Variants in PRKD1 observed in about 807,000 individuals in gnomAD.
The protein encoded by PRKD1 is serine/threonine-protein kinase D1.
A neutral mutation model predicts 95.9 loss-of-function variants in PRKD1; 63 were observed. The observed-to-expected ratio is 0.66, with a 90% confidence interval of 0.54 to 0.81. PRKD1 has a LOEUF of 0.81. PRKD1 is among the 30% of genes least tolerant of loss of function. The probability of loss-of-function intolerance (pLI) is 0.00; values close to 1 mark genes in which losing one functional copy is unlikely to be tolerated. For missense variants in PRKD1, 1,048 were observed against 1,165.3 expected (o/e 0.90, Z 1.47); for synonymous variants, 425 against 423.1 (o/e 1.00, Z -0.05).
intron 1 of PRKD1, among the ~76,000 whole-genome samples, chr14:29,864,490 T>C (rs963251570): frequency 1.3e-5 from 2 of 152,164 alleles, no homozygotes; most frequent in Non-Finnish European, 2.9e-5. Context: ...ATTCTTTCTA[T>C]AGAATCTCAA....
At chr14:29,619,349 C>T (rs1879089955) in intron 13 of PRKD1, among the ~76,000 whole-genome samples, 1 of 152,104 alleles carries the variant, frequency 6.6e-6, no homozygotes, top group Non-Finnish European at 1.5e-5. Context: ...ACTAACCAGC[C>T]TTTTGCTACC....
chr14:29,685,734 C>CTGTGTG (rs5807548), intron 2 of PRKD1, among the ~76,000 whole-genome samples: 9,220 of 149,324 alleles, frequency 0.062, 694 homozygotes, highest in African/African-American at 0.18. Context: ...TTATCCTCAT[C>CTGTGTG]TGTGTGTGTG....
chr14:29,737,235 T>C (rs1886764341), intron 1 of PRKD1, among the ~76,000 whole-genome samples: 1 of 141,604 alleles, frequency 7.1e-6, no homozygotes, highest in Non-Finnish European at 1.5e-5. Context: ...GGCAGGAGAA[T>C]GGCGTGAACC....
At chr14:29,846,336 G>A (rs1001467311) in intron 1 of PRKD1, among the ~76,000 whole-genome samples, 8 of 152,142 alleles carry the variant, frequency 5.3e-5, no homozygotes, top group African/African-American at 1.9e-4. Flanking sequence ...GAAGGAGGGA[G>A]TATTTTGAAT....
intron 1 of PRKD1, among the ~76,000 whole-genome samples, chr14:29,750,544 C>T (rs57279593): frequency 1.2e-3 from 176 of 152,104 alleles, no homozygotes; most frequent in African/African-American, 3.7e-3. Flanking sequence ...GAGCCTATTC[C>T]AGCAGCTCAA....
intron 1 of PRKD1, among the ~76,000 whole-genome samples, chr14:29,886,966 G>T (rs981796991): frequency 1.3e-5 from 2 of 152,168 alleles, no homozygotes; most frequent in Non-Finnish European, 2.9e-5. Flanking sequence ...ATTGACATTT[G>T]ACATCAAGTA....
rs74675658 is a variant in PRKD1, at chr14:29,813,698, A to T, written c.265-88024T>A. On this transcript the variant is annotated intron_variant, in intron 1 of 17. Coordinates refer to ENST00000331968, the MANE Select transcript of PRKD1 (RefSeq NM_002742.3). The stretch of plus-strand genomic sequence containing the variant: ...ACATTTGAAACACTCAATAGATATT[A>T]GCAATTAATATCAACAATGTCAGCA... Among the ~76,000 whole-genome samples, 522 of 152,322 alleles carry T rather than the reference A, an allele frequency of 3.4e-3. 12 individuals carry two copies. In the East Asian group the frequency reaches 0.056, roughly 16 times the overall value.
chr14:29,582,586 T>C (rs1454836282), intron 16 of PRKD1, among the ~76,000 whole-genome samples: 1 of 152,166 alleles, frequency 6.6e-6, no homozygotes, highest in African/African-American at 2.4e-5. Flanking sequence ...GATACTTCCA[T>C]TTCCCATAGG....
At chr14:29,845,279 T>G (rs1403623781) in intron 1 of PRKD1, among the ~76,000 whole-genome samples, 2 of 152,194 alleles carry the variant, frequency 1.3e-5, no homozygotes. Context: ...AACTAAATTA[T>G]TCAGAGGTTA....
chr14:29,588,926 A>T (rs557998181), intron 16 of PRKD1, among the ~76,000 whole-genome samples: 1 of 152,066 alleles, frequency 6.6e-6, no homozygotes, highest in South Asian at 2.1e-4. Context: ...GAAACAACTC[A>T]GCAGGTGACT....
At chr14:29,750,013 A>G (rs1887403185) in intron 1 of PRKD1, among the ~76,000 whole-genome samples, 1 of 152,174 alleles carries the variant, frequency 6.6e-6, no homozygotes, top group Admixed American at 6.5e-5. Flanking sequence ...TGAATGGCCA[A>G]GGGAATTATC....
intron 1 of PRKD1, among the ~76,000 whole-genome samples, chr14:29,744,919 A>G (rs774863798): frequency 5.9e-5 from 9 of 152,086 alleles, no homozygotes; most frequent in Non-Finnish European, 1.3e-4. Context: ...AATCATCCCA[A>G]AGTCAACCAG....
chr14:29,786,782 A>T (rs1889293467), intron 1 of PRKD1, among the ~76,000 whole-genome samples: 1 of 151,850 alleles, frequency 6.6e-6, no homozygotes, highest in South Asian at 2.1e-4. Flanking sequence ...TATCTTTTCA[A>T]AAAAAAGCTT....
intron 4 of PRKD1, among the ~76,000 whole-genome samples, chr14:29,660,219 A>G (rs1277843770): frequency 6.6e-6 from 1 of 152,188 alleles, no homozygotes; most frequent in African/African-American, 2.4e-5. Flanking sequence ...TGGTCTGTGT[A>G]TGCACATAGT....
chr14:29,630,996 G>C lies in PRKD1; in HGVS notation c.1418C>G (p.Ser473Cys). The change falls in exon 10 of 18, where the codon TCT (serine) becomes TGT (cysteine). Residue 473 changes from serine to cysteine, a missense_variant. Coordinates refer to ENST00000331968, the MANE Select transcript of PRKD1 (RefSeq NM_002742.3). ...AGCTGAAGTTTTTACTGGTTCCAGAGACAAAATTTCAGATAAAGGAATTTC... is the reference window on the plus strand; with the variant it reads ...AGCTGAAGTTTTTACTGGTTCCAGACACAAAATTTCAGATAAAGGAATTTC... The part of the protein sequence containing the change: ...YKEIPLSEIL[S>C]LEPVKTSALI... The C allele has an allele frequency of 6.2e-7, 1 of 1,609,746 alleles. No homozygotes were observed. Among genetic ancestry groups the C allele is most frequent in the Admixed American group, 1.7e-5 (1 of 59,638 alleles).
chr14:29,842,109 C>T (rs149471726), intron 1 of PRKD1, among the ~76,000 whole-genome samples: 1 of 152,290 alleles, frequency 6.6e-6, no homozygotes, highest in African/African-American at 2.4e-5. Context: ...CAATAACATG[C>T]ATGGAGATGT....
Position 29,638,565 on chromosome 14 carries a change from A to G in PRKD1, c.909T>C (p.Asp303=), listed in dbSNP as rs149511996. The G allele has an allele frequency of 3.7e-6, 6 of 1,614,058 alleles. No homozygotes were observed. The African/African-American group carries it at 8.0e-5, about 22-fold the overall frequency. ...GLFRQGLQCK[D]CRFNCHKRCA... is the part of the protein sequence containing the mutation. ...AACGTTTATGGCAGTTGAATCTGCA[A>G]TCTAATCCCAGTGATTTTCAAACAA... is the stretch of plus-strand genomic sequence containing the variant. The change falls in exon 6 of 18, where the codon GAT becomes GAC. Residue 303 remains aspartate, a splice_region_variant and synonymous_variant. Coordinates refer to ENST00000331968, the MANE Select transcript of PRKD1 (RefSeq NM_002742.3).
intron 2 of PRKD1, among the ~76,000 whole-genome samples, chr14:29,675,830 G>T (rs893294961): frequency 5.3e-5 from 8 of 151,910 alleles, no homozygotes; most frequent in African/African-American, 1.9e-4. Context: ...TCCTTTGCAG[G>T]GACATGGATG....
chr14:29,662,725 A>T lies in PRKD1; in HGVS notation c.696+974T>A, dbSNP rs114615369. On this transcript the variant is annotated intron_variant, in intron 4 of 17. Coordinates refer to ENST00000331968, the MANE Select transcript of PRKD1 (RefSeq NM_002742.3). Reference sequence around the variant, plus strand: ...AAGTAATTTATACAACTTCTTATAGATGTCTTCAGAATTTGTTACCACTCT... The same window carrying T: ...AAGTAATTTATACAACTTCTTATAGTTGTCTTCAGAATTTGTTACCACTCT... Among the ~76,000 whole-genome samples, 1,353 of 152,122 alleles carry T rather than the reference A, an allele frequency of 8.9e-3. 20 individuals carry two copies. Among genetic ancestry groups the T allele is most frequent in the African/African-American group, 0.031 (1,290 of 41,512 alleles).
Sources: allele counts gnomAD v4.1 joint callset (sites outside exome capture counted in the v4.1 genomes callset), GRCh38; gene constraint gnomAD v4.1.1; transcripts MANE v1.5; gene names NCBI Gene and HGNC (gene_info 2026-07-23, HGNC 2026-07-21).